PARP16: variants seen among roughly 807,000 people sequenced by gnomAD.
PARP16 encodes protein mono-ADP-ribosyltransferase PARP16.
A neutral mutation model predicts 35.0 loss-of-function variants in PARP16; 31 were observed. The observed-to-expected ratio is 0.88, with a 90% CI of 0.66 to 1.19. The LOEUF (loss-of-function observed/expected upper bound fraction) is 1.19, where lower values mean the gene tolerates loss of function less well. Ranked by LOEUF, PARP16 falls within the 50% of genes most tolerant of loss-of-function variation. The pLI, the probability that PARP16 is intolerant of heterozygous loss-of-function variation, is 0.00. For synonymous variants in PARP16, 162 were observed against 169.5 expected, an observed-to-expected ratio of 0.96 and a Z score of 0.34; for missense variants, 424 against 411.2, an observed-to-expected ratio of 1.03 and a Z score of -0.27.
intron 1 of PARP16, among the ~76,000 whole-genome samples, chr15:65,284,842 G>C (rs1411299476): frequency 1.9e-4 from 21 of 107,750 alleles, no homozygotes; most frequent in East Asian, 6.0e-4. Context: ...TTTTGAGAGA[G>C]AGACTTGCTG....
chr15:65,268,642 G>T (rs1452456543), intron 2 of PARP16, among the ~76,000 whole-genome samples: 1 of 152,176 alleles, frequency 6.6e-6, no homozygotes, highest in Admixed American at 6.5e-5. Context: ...AGAGGGTCTT[G>T]CTATGTTGCC....
At chr15:65,257,619 G>C, downstream of PARP16, among the ~76,000 whole-genome samples, 1 of 106,988 alleles carries the variant, frequency 9.3e-6, no homozygotes, top group Admixed American at 1.3e-4. Context: ...GACAGAGCAA[G>C]ACTCTGTCTC....
At chr15:65,275,350 G>C (rs1433071979) in intron 1 of PARP16, among the ~76,000 whole-genome samples, 3 of 152,074 alleles carry the variant, frequency 2.0e-5, no homozygotes, top group African/African-American at 4.8e-5. Context: ...GTTCTCCCAG[G>C]CATCTGGGGC....
In PARP16 at chr15:65,269,433, T is replaced by C. The variant is rs556742903; in HGVS notation, c.312+1502A>G. Among the ~76,000 whole-genome samples, 100 of 152,124 alleles carry C rather than the reference T, an allele frequency of 6.6e-4. 2 individuals carry two copies. In the South Asian group the frequency reaches 0.02, roughly 30 times the overall value. On this transcript the variant is annotated intron_variant, in intron 2 of 5. Coordinates refer to ENST00000649807, the MANE Select transcript of PARP16 (RefSeq NM_001316943.2). ...GGCTGGTCTCAAACTCCTGACCTCA[T>C]GATCCGCCCACCTTAGCCTTCCAAA...
intron 2 of PARP16, among the ~76,000 whole-genome samples, chr15:65,250,429 T>C: frequency 6.6e-6 from 1 of 152,068 alleles, no homozygotes; most frequent in East Asian, 1.9e-4. Context: ...TGCCTGCCTT[T>C]CTTATTCCTT....
At chr15:65,260,070 A>T (rs1198730897) in intron 5 of PARP16, among the ~76,000 whole-genome samples, 1 of 152,176 alleles carries the variant, frequency 6.6e-6, no homozygotes, top group Non-Finnish European at 1.5e-5. Context: ...TTTTAAACCA[A>T]AGCATAATGT....
At chr15:65,242,624 G>A (rs1390062101) in intron 3 of PARP16, among the ~76,000 whole-genome samples, 1 of 152,022 alleles carries the variant, frequency 6.6e-6, no homozygotes, top group Non-Finnish European at 1.5e-5. Context: ...ATTTCCAAGT[G>A]TTTTTTGCTT....
chr15:65,269,175 T>C (rs2090005502), intron 2 of PARP16, among the ~76,000 whole-genome samples: 1 of 142,160 alleles, frequency 7.0e-6, no homozygotes, highest in African/African-American at 2.6e-5. Flanking sequence ...TTAGTCGGTT[T>C]TTTTCTTTCT....
At chr15:65,243,889 CCTGCCCTCCTCTGCAGCCCTTCCACATG>C (rs2089141794) in intron 3 of PARP16, among the ~76,000 whole-genome samples, 1 of 152,114 alleles carries the variant, frequency 6.6e-6, no homozygotes, top group African/African-American at 2.4e-5. Flanking sequence ...CTGGTAGGCT[CCTGCCCTCCTCTGCAGCCCTTCCACATG>C]CTGCCTTCCC....
At chr15:65,256,898 G>T (rs2089529696), downstream of PARP16, among the ~76,000 whole-genome samples, 1 of 152,202 alleles carries the variant, frequency 6.6e-6, no homozygotes, top group South Asian at 2.1e-4. Context: ...TTCCTCTGGG[G>T]GAAGGAGATT....
intron 2 of PARP16, among the ~76,000 whole-genome samples, chr15:65,269,559 T>C (rs1349538621): frequency 6.6e-6 from 1 of 152,212 alleles, no homozygotes; most frequent in Non-Finnish European, 1.5e-5. Flanking sequence ...CTCTGGATTA[T>C]GACTGAATGA....
chr15:65,279,237 G>A (rs2090348521), intron 1 of PARP16, among the ~76,000 whole-genome samples: 1 of 152,176 alleles, frequency 6.6e-6, no homozygotes, highest in African/African-American at 2.4e-5. Context: ...GTTGTTAGGA[G>A]GATTAAATGA....
intron 3 of PARP16, among the ~76,000 whole-genome samples, chr15:65,264,210 A>G (rs2140871229): frequency 6.6e-6 from 1 of 152,326 alleles, no homozygotes; most frequent in Non-Finnish European, 1.5e-5. Context: ...AGGCTACAGC[A>G]GGCATAGTGA....
intron 3 of PARP16, among the ~76,000 whole-genome samples, chr15:65,239,458 GAAAAGAAAAAAAAA>G (rs1311123054): frequency 4.8e-5 from 3 of 62,536 alleles, no homozygotes; most frequent in Non-Finnish European, 9.9e-5. Context: ...AAAAAAGAGA[GAAAAGAAAAAAAAA>G]AGAAAAGAAA....
In PARP16 at chr15:65,263,305, C is replaced by T. The variant is rs893433911; in HGVS notation, c.535G>A (p.Glu179Lys). 3.1e-6 allele frequency: 5 copies of T among 1,593,526 alleles called. No homozygotes were observed. The highest frequency in any genetic ancestry group is 3.4e-4 in the Middle Eastern group (2 of 5,928). Reference protein sequence around the residue: ...CHLNKTSLFGEGTYLTSDLSL... With the variant: ...CHLNKTSLFGKGTYLTSDLSL... ...AAGTCACTGGTGAGGTAGGTCCCCTCTCCGAACAAGGATGTCTGCAACAGC... is the reference window on the plus strand; with the variant it reads ...AAGTCACTGGTGAGGTAGGTCCCCTTTCCGAACAAGGATGTCTGCAACAGC... Residue 179 changes from glutamate to lysine, a missense_variant, in exon 4 of 6, where the codon GAG becomes AAG. Coordinates refer to ENST00000649807, the MANE Select transcript of PARP16 (RefSeq NM_001316943.2).
intron 5 of PARP16, among the ~76,000 whole-genome samples, 193 bp from the exon 6 acceptor site, chr15:65,259,735 C>T (rs191512592): frequency 2.6e-5 from 4 of 152,332 alleles, no homozygotes; most frequent in Admixed American, 2.0e-4. Flanking sequence ...CGCCTTTCAA[C>T]AGGATATTTT....
In PARP16 at chr15:65,286,827, G is replaced by A. The variant is rs536236219; in HGVS notation, c.-401C>T. ...GGGCGGGAAGCAGCCCCCGGGGGAC[G>A]GCGGGCAGAGCCCACTCTCCGCGAC... On this transcript the variant is annotated 5_prime_UTR_variant, in exon 1 of 6. Coordinates refer to ENST00000649807, the MANE Select transcript of PARP16 (RefSeq NM_001316943.2). 8 of 177,574 alleles carry A rather than the reference G, an allele frequency of 4.5e-5. No homozygotes were observed. Among genetic ancestry groups the A allele is most frequent in the Admixed American group, 6.3e-5 (1 of 15,884 alleles). 11.0% of individuals were successfully genotyped at this position (177,574 alleles called of 1,614,324 possible). A position where few individuals can be genotyped will look rare whatever the true frequency, so the allele number is the denominator to read the frequency against.
At chr15:65,251,565 A>T (rs2089358430) in intron 2 of PARP16, among the ~76,000 whole-genome samples, 1 of 149,652 alleles carries the variant, frequency 6.7e-6, no homozygotes, top group African/African-American at 2.4e-5. Context: ...GCAGCCTCTC[A>T]CATTCAGGAC....
At chr15:65,280,224 T>A (rs895799227) in intron 1 of PARP16, among the ~76,000 whole-genome samples, 3 of 151,828 alleles carry the variant, frequency 2.0e-5, no homozygotes, top group African/African-American at 7.3e-5. Context: ...ATTGCTTGAC[T>A]CCAGGAGTTT....
Sources: allele counts gnomAD v4.1 joint callset (sites outside exome capture counted in the v4.1 genomes callset), GRCh38; gene constraint gnomAD v4.1.1; transcripts MANE v1.5; gene names NCBI Gene and HGNC (gene_info 2026-07-23, HGNC 2026-07-21).